The following MTUS1 variants were observed in gnomAD, a reference collection of about 807,000 sequenced individuals.
The protein encoded by MTUS1 is microtubule-associated tumor suppressor 1.
In MTUS1, 109 loss-of-function variants were observed where a neutral mutation model predicts 120.8. The ratio of observed to expected loss-of-function variants is 0.90; its 90% confidence interval spans 0.77 to 1.06. The LOEUF (loss-of-function observed/expected upper bound fraction) is 1.06. Among genes scored for constraint, MTUS1 ranks in the 50% least tolerant of loss-of-function variants. The probability of loss-of-function intolerance (pLI) is 0.00; values close to 1 mark genes in which losing one functional copy is unlikely to be tolerated. For synonymous variants in MTUS1, 737 were observed against 550.5 expected (o/e 1.34, Z -4.74); for missense variants, 2,210 against 1,486.3 (o/e 1.49, Z -8.01).
chr8:17,659,625 G>A (rs1809233807), intron 8 of MTUS1, among the ~76,000 whole-genome samples: 1 of 152,154 alleles, frequency 6.6e-6, no homozygotes, highest in African/African-American at 2.4e-5. Flanking sequence ...TTGAACCCGG[G>A]AGGCAGAGGT....
In MTUS1 at chr8:17,654,653, T is replaced by C. The variant is rs577157256; in HGVS notation, c.3122A>G (p.Asn1041Ser). Reference protein sequence around the residue: ...MQLQEQFDNLNAAHETSKLEI... With the variant: ...MQLQEQFDNLSAAHETSKLEI... Reference sequence around the variant, plus strand: ...CAACTTAGAGGTTTCATGCGCAGCATTTAAGTTGTCAAACTGTAAGCAACA... The same window carrying C: ...CAACTTAGAGGTTTCATGCGCAGCACTTAAGTTGTCAAACTGTAAGCAACA... Residue 1041 changes from asparagine to serine, a missense_variant, in exon 10 of 15, where the codon AAT becomes AGT. Transcript: ENST00000693296. 1.9e-6 allele frequency: 3 copies of C among 1,613,708 alleles called. No homozygotes were observed. Among genetic ancestry groups the C allele is most frequent in the African/African-American group, 1.3e-5 (1 of 75,068 alleles).
chr8:17,754,046 C>T lies in MTUS1; in HGVS notation c.1762G>A (p.Val588Met). 6.2e-7 allele frequency: 1 copy of T among 1,614,136 alleles called. No individual in the cohort carries two copies. The highest frequency in any genetic ancestry group is 1.1e-5 in the South Asian group (1 of 91,084). Residue 588 changes from valine (V) to methionine (M), a missense_variant, in exon 2 of 15, where the codon GTG becomes ATG. Coordinates refer to ENST00000693296, the MANE Select transcript of MTUS1 (RefSeq NM_001363059.2). ...TTTTTAGAATGAGTTGTAACATGCA[C>T]AGCCTGGCTAGTAATGAGTTTATTA... ...QFNKLITSQAVHVTTHSKNAS... is the reference protein window; with the variant it reads ...QFNKLITSQAMHVTTHSKNAS...
chr8:17,689,684 T>C (rs906623409), intron 6 of MTUS1, among the ~76,000 whole-genome samples: 1 of 152,072 alleles, frequency 6.6e-6, no homozygotes, highest in South Asian at 2.1e-4. Context: ...GGTCTAAAAA[T>C]AGACACATAG....
chr8:17,743,669 T>C lies in MTUS1; in HGVS notation c.2222A>G (p.Asp741Gly). 8.1e-6 allele frequency: 13 copies of C among 1,614,192 alleles called. No homozygotes were observed. Among genetic ancestry groups the C allele is most frequent in the Non-Finnish European group, 1.1e-5 (13 of 1,180,036 alleles). Residue 741 changes from aspartate (D) to glycine (G), a missense_variant, in exon 3 of 15, where the codon GAC becomes GGC. Coordinates refer to ENST00000693296, the MANE Select transcript of MTUS1 (RefSeq NM_001363059.2). ...PPVSCLRRNS[D>G]NRNPSADRAV... ...TCGATCAGCACTGGGATTTCTATTG[T>C]CACTGTTCCGCCTCAAACAGGAAAC...
At chr8:17,725,352 G>C (rs967332065) in intron 3 of MTUS1, among the ~76,000 whole-genome samples, 8 of 152,110 alleles carry the variant, frequency 5.3e-5, no homozygotes, top group African/African-American at 1.9e-4. Flanking sequence ...CTCAGGCCTG[G>C]CATTTGAAAT....
intron 8 of MTUS1, 168 bp downstream of exon 8, chr8:17,675,018 G>A (rs1174225453): frequency 1.4e-6 from 2 of 1,419,530 alleles, no homozygotes; most frequent in South Asian, 1.7e-5. Flanking sequence ...AGGTCAAGCT[G>A]CCAAGATTCA....
rs768800384 is a variant in MTUS1 at position 17,723,675 on chromosome 8, T to G, written c.2446A>C (p.Asn816His). The change falls in exon 4 of 15, where the codon AAT becomes CAT. Residue 816 changes from asparagine (N) to histidine (H), a missense_variant. By Grantham distance (68) the Asn-to-His change is moderately conservative (BLOSUM62 1). Transcript: ENST00000693296. ...GTGTGATATAAAGTCGACTTACAAT[T>G]GTTGCTGTAAGTGCTCAGCTCACTG... ...THSELSTYSN[N>H]SGNAAVIKYE... 6.2e-7 allele frequency: 1 copy of G among 1,609,250 alleles called. No homozygotes were observed. The highest frequency in any genetic ancestry group is 1.7e-5 in the Admixed American group (1 of 59,890).
At chr8:17,649,115 G>C (rs6995714) in intron 13 of MTUS1, among the ~76,000 whole-genome samples, 1 of 151,620 alleles carries the variant, frequency 6.6e-6, no homozygotes, top group Non-Finnish European at 1.5e-5. Context: ...TTGAGATGGA[G>C]TCTTGCTATG....
intron 3 of MTUS1, among the ~76,000 whole-genome samples, chr8:17,735,833 A>C (rs2046886715): frequency 6.6e-6 from 1 of 152,228 alleles, no homozygotes; most frequent in South Asian, 2.1e-4. Flanking sequence ...TAAGAGCTGA[A>C]CTCTATCCTT....
intron 3 of MTUS1, among the ~76,000 whole-genome samples, chr8:17,739,472 C>A (rs1228685739): frequency 6.6e-6 from 1 of 151,688 alleles, no homozygotes; most frequent in African/African-American, 2.4e-5. Context: ...CCAGCCTGGG[C>A]AACAAGAGTG....
intron 6 of MTUS1, among the ~76,000 whole-genome samples, chr8:17,688,897 A>G (rs149885494): frequency 4.0e-4 from 61 of 152,320 alleles, no homozygotes; most frequent in African/African-American, 1.4e-3. Context: ...TCAGCAAAGC[A>G]CAGTGTTTAG....
chr8:17,701,704 C>G (rs140477870), intron 6 of MTUS1, among the ~76,000 whole-genome samples: 1 of 151,982 alleles, frequency 6.6e-6, no homozygotes, highest in East Asian at 1.9e-4. Flanking sequence ...CCCGCCACCA[C>G]GCCTGACTAA....
At chr8:17,728,965 C>T (rs542215495) in intron 3 of MTUS1, among the ~76,000 whole-genome samples, 2 of 152,186 alleles carry the variant, frequency 1.3e-5, no homozygotes, top group Admixed American at 6.5e-5. Flanking sequence ...TATTGAGGTC[C>T]ATTTGAAATA....
chr8:17,776,601 C>T (rs2050450901), intron 1 of MTUS1, among the ~76,000 whole-genome samples: 1 of 137,754 alleles, frequency 7.3e-6, no homozygotes, highest in South Asian at 2.4e-4. Context: ...ATCACTTGAA[C>T]TCGGGAGGTG....
chr8:17,676,144 C>G (rs973513184), intron 7 of MTUS1: 3 of 662,790 alleles, frequency 4.5e-6, no homozygotes, highest in Non-Finnish European at 8.2e-6. Flanking sequence ...CACAGCGTTG[C>G]AGAGATCATG....
chr8:17,785,954 C>T (rs1424184448), intron 1 of MTUS1, among the ~76,000 whole-genome samples: 2 of 152,014 alleles, frequency 1.3e-5, no homozygotes, highest in Admixed American at 6.6e-5. Context: ...CCAGCCCGGG[C>T]GACACAGTGA....
In MTUS1 at chr8:17,647,068, G is replaced by C; in HGVS notation, c.3513C>G (p.Asn1171Lys). ...LMKMEKLVDN[N>K]TALVDKLKRF... ...GCTTCAATTTGTCAACCAATGCTGT[G>C]TTGTTGTCCACCTTGGCATAAACAA... The change falls in exon 14 of 15, where the codon AAC becomes AAG. Residue 1171 changes from asparagine to lysine, a missense_variant. By Grantham distance (94) the Asn-to-Lys change is moderately conservative. Transcript: ENST00000693296. The C allele has an allele frequency of 6.2e-7, 1 of 1,613,378 alleles. No homozygotes were observed. Among genetic ancestry groups the C allele is most frequent in the South Asian group, 1.1e-5 (1 of 91,034 alleles).
chr8:17,789,055 G>A (rs567597802), intron 1 of MTUS1, among the ~76,000 whole-genome samples: 11 of 150,056 alleles, frequency 7.3e-5, no homozygotes, highest in Admixed American at 6.0e-4. Context: ...TTTTTGAGAC[G>A]GAGTTTCACT....
intron 1 of MTUS1, among the ~76,000 whole-genome samples, chr8:17,764,670 G>C (rs1362916724): frequency 6.6e-6 from 1 of 152,198 alleles, no homozygotes; most frequent in Non-Finnish European, 1.5e-5. Flanking sequence ...ATTCAAGTCT[G>C]CTGTTGTAGA....
Sources: gnomAD v4.1 joint callset for allele counts (sites outside exome capture counted in the v4.1 genomes callset) on GRCh38, gnomAD v4.1.1 for gene constraint, MANE v1.5 for transcripts, NCBI Gene and HGNC (gene_info 2026-07-23, HGNC 2026-07-21) for gene names.